RASGRF1: variants seen among roughly 807,000 people sequenced by gnomAD.
RASGRF1 encodes the protein ras-specific guanine nucleotide-releasing factor 1.
In RASGRF1, 40 loss-of-function variants were observed where a neutral mutation model predicts 138.7. The observed-to-expected ratio is 0.29, with a 90% CI of 0.22 to 0.38. The LOEUF (loss-of-function observed/expected upper bound fraction) is 0.38, where lower values mean the gene tolerates loss of function less well. Among genes scored for constraint, RASGRF1 ranks in the 10% least tolerant of loss-of-function variants. The pLI is 1.00. For synonymous variants in RASGRF1, 614 were observed against 663.2 expected (o/e 0.93, Z 1.14); for missense variants, 1,108 against 1,650.4 (o/e 0.67, Z 5.69).
chr15:79,086,217 A>G (rs2057977644), intron 1 of RASGRF1, among the ~76,000 whole-genome samples: 1 of 152,158 alleles, frequency 6.6e-6, no homozygotes, highest in African/African-American at 2.4e-5. Context: ...TCTGTGTCTA[A>G]GGGCTGCTGC....
At position 79,047,962 on chromosome 15, in the gene RASGRF1, G is replaced by A. The variant is rs377355776; in HGVS notation, c.625-963C>T. Among the ~76,000 whole-genome samples the A allele has an allele frequency of 1.1e-4, 13 of 113,166 alleles. No individual in the cohort carries two copies. In the South Asian group the frequency reaches 3.4e-3, roughly 30 times the overall value. 74.2% of individuals were successfully genotyped at this position (113,166 alleles called of 152,430 possible). On this transcript the variant is annotated intron_variant, in intron 4 of 26. Coordinates refer to ENST00000558480, the MANE Select transcript of RASGRF1 (RefSeq NM_001145648.3). ...TGCCGTAGACAGAAGAGGCCTGCCC[G>A]AGGCCCAAGAGCTATCTCTGAAGAT...
rs2058038947 is a variant in RASGRF1 at position 79,090,337 on chromosome 15, G to A, written c.162C>T (p.Phe54=). ...FALLQNLLFY[F]ESDSSSRPSG... ...AGGGCCGCGAGCTCGAGTCGCTCTC[G>A]AAGTAGAAGAGCAGGTTCTGCAGCA... is the stretch of plus-strand genomic sequence containing the variant. The change falls in exon 1 of 27, where the codon TTC becomes TTT. Residue 54 remains phenylalanine (F), a synonymous_variant. Coordinates refer to ENST00000558480, the MANE Select transcript of RASGRF1 (RefSeq NM_001145648.3). 5 of 1,613,938 alleles carry A rather than the reference G, an allele frequency of 3.1e-6. No homozygotes were observed. The East Asian group carries it at 8.9e-5, about 29-fold the overall frequency.
intron 26 of RASGRF1, among the ~76,000 whole-genome samples, chr15:78,964,845 G>C (rs2055612034): frequency 6.6e-6 from 1 of 152,044 alleles, no homozygotes; most frequent in South Asian, 2.1e-4. Flanking sequence ...GAATACAAAA[G>C]TACTTTTCCA....
At chr15:79,061,409 T>G (rs970980179) in intron 2 of RASGRF1, among the ~76,000 whole-genome samples, 1 of 117,380 alleles carries the variant, frequency 8.5e-6, no homozygotes, top group Admixed American at 9.5e-5. Flanking sequence ...AACACTATCT[T>G]TAAAATATAT....
chr15:79,078,253 A>G (rs1458383592), intron 1 of RASGRF1, among the ~76,000 whole-genome samples: 1 of 149,134 alleles, frequency 6.7e-6, no homozygotes, highest in African/African-American at 2.5e-5. Flanking sequence ...CCCCGGCCCC[A>G]CCCAGATCCT....
intron 3 of RASGRF1, among the ~76,000 whole-genome samples, chr15:79,055,919 G>A (rs920455039): frequency 1.3e-5 from 2 of 152,158 alleles, no homozygotes; most frequent in African/African-American, 4.8e-5. Context: ...CAGGCCAAAA[G>A]AAGGAGTGAT....
intron 1 of RASGRF1, among the ~76,000 whole-genome samples, chr15:79,077,449 G>A (rs2057849078): frequency 6.6e-6 from 1 of 152,200 alleles, no homozygotes; most frequent in South Asian, 2.1e-4. Flanking sequence ...AAGGTCAAAT[G>A]ATGGGTCTAA....
chr15:79,025,923 AT>A (rs1353041217), intron 9 of RASGRF1, among the ~76,000 whole-genome samples: 13 of 77,556 alleles, frequency 1.7e-4, no homozygotes, highest in Admixed American at 7.2e-4. Context: ...AGCTACTAAG[AT>A]TTAAAAAAAA....
chr15:79,024,040 A>T (rs12908318), intron 10 of RASGRF1, among the ~76,000 whole-genome samples: 33 of 146,430 alleles, frequency 2.3e-4, no homozygotes, highest in African/African-American at 7.8e-4. Flanking sequence ...CACACATACA[A>T]ACACACACAC....
chr15:79,012,713 C>T (rs2056820059), intron 13 of RASGRF1, among the ~76,000 whole-genome samples: 1 of 152,080 alleles, frequency 6.6e-6, no homozygotes, highest in Non-Finnish European at 1.5e-5. Context: ...GACAGAGTTT[C>T]ACTCTGTCAC....
At chr15:78,999,056 T>C (rs1054375641) in intron 17 of RASGRF1, among the ~76,000 whole-genome samples, 3 of 152,160 alleles carry the variant, frequency 2.0e-5, no homozygotes, top group African/African-American at 7.2e-5. Flanking sequence ...CCTCTCCATC[T>C]TTCAAGAGCT....
At chr15:79,039,008 A>C (rs755738317) in intron 5 of RASGRF1, among the ~76,000 whole-genome samples, 9 of 152,272 alleles carry the variant, frequency 5.9e-5, no homozygotes, top group Admixed American at 3.3e-4. Context: ...GCTTTTTACT[A>C]GGCTGGTTTT....
At chr15:79,012,410 C>A in intron 13 of RASGRF1, 2 of 1,092,002 alleles carry the variant, frequency 1.8e-6, no homozygotes, top group Admixed American at 3.9e-5. Context: ...ACAGCATGCA[C>A]TACACTGCTT....
intron 5 of RASGRF1, among the ~76,000 whole-genome samples, chr15:79,038,219 G>T (rs1595927409): frequency 6.6e-6 from 1 of 152,242 alleles, no homozygotes; most frequent in South Asian, 2.1e-4. Context: ...CCTGAGTACT[G>T]CCATGGCAAG....
At chr15:79,015,515 G>T in intron 12 of RASGRF1, 106 bp from the exon 13 acceptor site, 1 of 1,021,926 alleles carries the variant, frequency 9.8e-7, no homozygotes, top group Non-Finnish European at 1.5e-6. Flanking sequence ...TCTGATACAG[G>T]GTCCTCAAGC....
chr15:79,004,190 G>T lies in RASGRF1; in HGVS notation c.2076-15C>A. ...GCTCCAGCGACCTGTGGGGAGGGCG[G>T]GGGTGAAAATGACAGTTAGCGTAGG... On this transcript the variant is annotated splice_polypyrimidine_tract_variant and intron_variant, in intron 14 of 26. Transcript: ENST00000558480. 6.5e-7 allele frequency: 1 copy of T among 1,548,926 alleles called. No individual in the cohort carries two copies. The highest frequency in any genetic ancestry group is 1.2e-5 in the South Asian group (1 of 82,108).
At chr15:79,005,669 A>G in intron 14 of RASGRF1, 2 of 983,080 alleles carry the variant, frequency 2.0e-6, no homozygotes, top group African/African-American at 1.8e-5. Context: ...GGGCTCCATC[A>G]TTTCTTAGAG....
In RASGRF1 at chr15:79,066,008, CAG is replaced by C. The variant is rs1282962024; in HGVS notation, c.277-1484_277-1483del. ...TGTCTGTCTCTTGTTTCCTAGGAAA[CAG>C]ATAACTGGGGCTATAGAATGAAATG... On this transcript the variant is annotated intron_variant, in intron 1 of 26. Coordinates refer to ENST00000558480, the MANE Select transcript of RASGRF1 (RefSeq NM_001145648.3). Among the ~76,000 whole-genome samples the C allele has an allele frequency of 2.6e-5, 4 of 151,836 alleles. No individual in the cohort carries two copies. In the South Asian group the frequency reaches 6.3e-4, roughly 24 times the overall value.
At chr15:78,971,618 G>A (rs565532680) in intron 26 of RASGRF1, among the ~76,000 whole-genome samples, 1 of 152,202 alleles carries the variant, frequency 6.6e-6, no homozygotes, top group South Asian at 2.1e-4. Flanking sequence ...TCTTGCCCTG[G>A]GGGAGATTAG....
Sources: gnomAD v4.1 joint callset for allele counts (sites outside exome capture counted in the v4.1 genomes callset) on GRCh38, gnomAD v4.1.1 for gene constraint, MANE v1.5 for transcripts, NCBI Gene and HGNC (gene_info 2026-07-23, HGNC 2026-07-21) for gene names.